The following TEX9 variants were observed in gnomAD, a reference collection of about 807,000 sequenced individuals.
The protein encoded by TEX9 is testis expressed 9, also known as testis-expressed protein 9.
A neutral mutation model predicts 59.6 loss-of-function variants in TEX9; 74 were observed. The ratio of observed to expected loss-of-function variants is 1.24; its 90% CI spans 1.03 to 1.51. The LOEUF (loss-of-function observed/expected upper bound fraction) is 1.51. Ranked by LOEUF, TEX9 falls within the 40% of genes most tolerant of loss-of-function variation. TEX9 has a pLI of 0.00. For missense variants in TEX9, 522 were observed against 447.8 expected (o/e 1.17, Z -1.49); for synonymous variants, 186 against 152.2 (o/e 1.22, Z -1.64).
intron 1 of TEX9, among the ~76,000 whole-genome samples, chr15:56,304,486 C>A (rs2045431990): frequency 6.6e-6 from 1 of 152,102 alleles, no homozygotes; most frequent in African/African-American, 2.4e-5. Context: ...TTTTCAGCAT[C>A]TATTAAAATG....
At chr15:56,381,053 A>G (rs2047703666) in intron 3 of TEX9, among the ~76,000 whole-genome samples, 4 of 152,068 alleles carry the variant, frequency 2.6e-5, no homozygotes, top group Admixed American at 2.6e-4. Context: ...AATAAGTCTT[A>G]TATTTGCCCT....
chr15:56,371,167 T>C (rs912119205), intron 2 of TEX9, among the ~76,000 whole-genome samples: 2 of 152,210 alleles, frequency 1.3e-5, no homozygotes, highest in Admixed American at 1.3e-4. Context: ...ATTTCTTTTA[T>C]AACTTCTGTT....
chr15:56,419,430 GTT>G (rs1172882589), intron 10 of TEX9, among the ~76,000 whole-genome samples: 5 of 151,852 alleles, frequency 3.3e-5, no homozygotes, highest in African/African-American at 1.2e-4. Context: ...TAGTTCACAA[GTT>G]TTAGAAAAAC....
chr15:56,247,854 C>G (rs1401610288), intron 1 of TEX9, among the ~76,000 whole-genome samples: 4 of 152,204 alleles, frequency 2.6e-5, no homozygotes, highest in African/African-American at 7.2e-5. Flanking sequence ...AAATACTCCT[C>G]TCATCCTCTT....
At chr15:56,263,682 ATTTG>A (rs1308146243) in intron 1 of TEX9, among the ~76,000 whole-genome samples, 5 of 152,086 alleles carry the variant, frequency 3.3e-5, no homozygotes, top group African/African-American at 9.7e-5. Context: ...ATTCCCCCAA[ATTTG>A]TTTGTGCCCT....
intron 12 of TEX9, among the ~76,000 whole-genome samples, chr15:56,434,670 G>A (rs705450): frequency 0.9 from 136,983 of 152,148 alleles, 61,692 homozygotes; most frequent in Middle Eastern, 0.96. Context: ...AACTGCTTTG[G>A]AAAGAGCTGT....
At chr15:56,385,834 A>C (rs945818136) in intron 4 of TEX9, among the ~76,000 whole-genome samples, 21 of 152,238 alleles carry the variant, frequency 1.4e-4, no homozygotes, top group African/African-American at 4.3e-4. Context: ...TTAGAGACAA[A>C]AGAGAAGCTT....
At chr15:56,456,934 A>T in the TEX9 span, among the ~76,000 whole-genome samples, 2 of 152,196 alleles carry the variant, frequency 1.3e-5, no homozygotes, top group African/African-American at 4.8e-5. Context: ...TTTTAAAAAT[A>T]TAACAATCAT....
At chr15:56,458,659 C>T in the TEX9 span, among the ~76,000 whole-genome samples, 10 of 152,122 alleles carry the variant, frequency 6.6e-5, no homozygotes, top group African/African-American at 2.4e-4. Flanking sequence ...TTACTGTTTC[C>T]ATAGTTTTGC....
At chr15:56,290,827 C>G (rs1464130664) in intron 1 of TEX9, among the ~76,000 whole-genome samples, 1 of 148,718 alleles carries the variant, frequency 6.7e-6, no homozygotes, top group East Asian at 2.0e-4. Flanking sequence ...GCTGCAGATT[C>G]TTTAATAGGC....
At chr15:56,382,651 T>G (rs2047782143) in intron 3 of TEX9, among the ~76,000 whole-genome samples, 1 of 152,132 alleles carries the variant, frequency 6.6e-6, no homozygotes, top group Non-Finnish European at 1.5e-5. Flanking sequence ...TGTCTAGAAA[T>G]GTCATTTAGG....
At chr15:56,415,134 A>G (rs1285799379) in intron 10 of TEX9, among the ~76,000 whole-genome samples, 2 of 151,802 alleles carry the variant, frequency 1.3e-5, no homozygotes, top group Non-Finnish European at 2.9e-5. Context: ...GCTGGATATC[A>G]GACCTTTATC....
chr15:56,361,006 T>G (rs2046779220), upstream of TEX9, among the ~76,000 whole-genome samples: 1 of 152,218 alleles, frequency 6.6e-6, no homozygotes, highest in South Asian at 2.1e-4. Flanking sequence ...CTGTATGGCA[T>G]GGCATGCGTC....
intron 3 of TEX9, among the ~76,000 whole-genome samples, chr15:56,376,156 G>A (rs2047442790): frequency 6.6e-6 from 1 of 151,006 alleles, no homozygotes; most frequent in Non-Finnish European, 1.5e-5. Flanking sequence ...CACCAGCATG[G>A]CACATGTATA....
At chr15:56,297,640 G>T (rs527840590) in intron 1 of TEX9, among the ~76,000 whole-genome samples, 48 of 152,304 alleles carry the variant, frequency 3.2e-4, no homozygotes, top group Non-Finnish European at 5.0e-4. Flanking sequence ...GAATAGCTGG[G>T]ATTACAGGTG....
At chr15:56,389,160 T>TA (rs2048094478) in intron 5 of TEX9, among the ~76,000 whole-genome samples, 158 bp from the exon 6 acceptor site, 1 of 152,098 alleles carries the variant, frequency 6.6e-6, no homozygotes, top group Non-Finnish European at 1.5e-5. Flanking sequence ...TTTCCAGCTA[T>TA]ACAGTTGTGA....
At chr15:56,450,942 A>G (rs1341293752), downstream of TEX9, among the ~76,000 whole-genome samples, 1 of 152,178 alleles carries the variant, frequency 6.6e-6, no homozygotes, top group Non-Finnish European at 1.5e-5. Flanking sequence ...GATGTGAAAC[A>G]GTTTCTTCTT....
intron 1 of TEX9, among the ~76,000 whole-genome samples, chr15:56,348,503 T>G (rs1156278307): frequency 6.6e-6 from 1 of 152,122 alleles, no homozygotes; most frequent in African/African-American, 2.4e-5. Context: ...GGCATATATT[T>G]TTGCTAAATA....
intron 1 of TEX9, among the ~76,000 whole-genome samples, chr15:56,276,947 G>A (rs2044683859): frequency 6.6e-6 from 1 of 152,054 alleles, no homozygotes; most frequent in South Asian, 2.1e-4. Context: ...ATGTTTGTTG[G>A]CTGCATAAAT....
Sources: allele counts gnomAD v4.1 joint callset (sites outside exome capture counted in the v4.1 genomes callset), GRCh38; gene constraint gnomAD v4.1.1; transcripts MANE v1.5; gene names NCBI Gene and HGNC (gene_info 2026-07-23, HGNC 2026-07-21).